The following ADSS1 variants were observed in gnomAD, a reference collection of about 807,000 sequenced individuals.
ADSS1 encodes the protein adenylosuccinate synthase 1.
A neutral mutation model predicts 59.1 loss-of-function variants in ADSS1; 57 were observed. The ratio of observed to expected loss-of-function variants is 0.97; its 90% CI spans 0.78 to 1.20. ADSS1 has a LOEUF of 1.20. ADSS1 is among the 50% of genes most tolerant of loss of function. The pLI is 0.00. For missense variants in ADSS1, 603 were observed against 610.3 expected (o/e 0.99, Z 0.13); for synonymous variants, 247 against 249.4 (o/e 0.99, Z 0.09).
chr14:104,742,464 A>ATGGG (rs1891402055), intron 9 of ADSS1, among the ~76,000 whole-genome samples: 1 of 152,226 alleles, frequency 6.6e-6, no homozygotes, highest in Non-Finnish European at 1.5e-5. Context: ...AACCCTGCCC[A>ATGGG]GCTCTCCAGC....
chr14:104,737,448 T>G (rs1216105727), intron 2 of ADSS1: 1 of 152,244 alleles, frequency 6.6e-6, no homozygotes, highest in Non-Finnish European at 1.5e-5. Context: ...AATACTCCAC[T>G]GTCTGGATGG....
chr14:104,729,634 G>C (rs1890835238), intron 1 of ADSS1: 1 of 153,106 alleles, frequency 6.5e-6, no homozygotes, highest in Non-Finnish European at 1.1e-5. Context: ...CGTGGCGTCG[G>C]CGTCGTGGGG....
At position 104,747,107 on chromosome 14, in the gene ADSS1, A is replaced by T; in HGVS notation, c.*104A>T. 1.9e-6 allele frequency: 2 copies of T among 1,047,480 alleles called. No individual in the cohort carries two copies. Among genetic ancestry groups the T allele is most frequent in the Non-Finnish European group, 2.8e-6 (2 of 725,960 alleles). The allele number at this position is 1,047,480 out of a possible 1,614,324, so 64.9% of individuals were successfully genotyped here. ...CCACAACCAACACCAAAGCAGGAAAACCATTTTCTGTACTTTTATATTTCT... is the reference window on the plus strand; with the variant it reads ...CCACAACCAACACCAAAGCAGGAAATCCATTTTCTGTACTTTTATATTTCT... On this transcript the variant is annotated 3_prime_UTR_variant, in exon 13 of 13. Coordinates refer to ENST00000330877, the MANE Select transcript of ADSS1 (RefSeq NM_152328.5).
intron 1 of ADSS1, among the ~76,000 whole-genome samples, chr14:104,725,394 ATAAT>A (rs1268052667): frequency 6.6e-6 from 1 of 152,174 alleles, no homozygotes; most frequent in Non-Finnish European, 1.5e-5. Context: ...GCTGCTGCCA[ATAAT>A]GGAACAAGGG....
rs771061801 is a variant in ADSS1, at chr14:104,724,385, G to C, written c.115G>C (p.Ala39Pro). Residue 39 changes from alanine to proline, a missense_variant, in exon 1 of 13, where the codon GCG (alanine) becomes CCG (proline). Coordinates refer to ENST00000330877, the MANE Select transcript of ADSS1 (RefSeq NM_152328.5). ...TGSRVTVVLG[A>P]QWGDEGKGKV... ...CTCCCGCGTGACGGTGGTGCTGGGC[G>C]CGCAGTGGGGGGACGAGGGCAAAGG... 3 of 1,257,746 alleles carry C rather than the reference G, an allele frequency of 2.4e-6. No homozygotes were observed. Among genetic ancestry groups the C allele is most frequent in the Non-Finnish European group, 3.0e-6 (3 of 995,796 alleles). 77.9% of individuals were successfully genotyped at this position (1,257,746 alleles called of 1,614,324 possible). A position where few individuals can be genotyped will look rare whatever the true frequency, so the allele number is the denominator to read the frequency against.
chr14:104,734,977 T>C (rs765154977), intron 1 of ADSS1, 43 bp from the exon 2 acceptor site: 3 of 1,576,264 alleles, frequency 1.9e-6, no homozygotes, highest in South Asian at 2.2e-5. Context: ...CGGGGGGTCC[T>C]CAGTACCCAA....
At position 104,746,173 on chromosome 14, in the gene ADSS1, T is replaced by C. The variant is rs558227164; in HGVS notation, c.1172-63T>C. On this transcript the variant is annotated intron_variant, in intron 11 of 12. Transcript: ENST00000330877. Reference sequence around the variant, plus strand: ...GGATGGGGGTGGCCGTGTCACCAAATATCCGCTTCCCTGGTGATAGGAGGT... The same window carrying C: ...GGATGGGGGTGGCCGTGTCACCAAACATCCGCTTCCCTGGTGATAGGAGGT... 186 of 1,540,272 alleles carry C rather than the reference T, an allele frequency of 1.2e-4. 2 individuals carry two copies. The African/African-American group carries it at 2.4e-3, about 20-fold the overall frequency.
intron 10 of ADSS1, 97 bp downstream of exon 10, chr14:104,743,288 A>C: frequency 6.5e-7 from 1 of 1,534,480 alleles, no homozygotes; most frequent in Non-Finnish European, 8.8e-7. Context: ...AGGGCCACCA[A>C]GTCTCCTTGG....
chr14:104,746,527 G>A (rs771106939), intron 12 of ADSS1, 142 bp downstream of exon 12: 127 of 1,250,038 alleles, frequency 1.0e-4, no homozygotes, highest in African/African-American at 8.9e-4. Context: ...AGGGGAGGAC[G>A]ACTCGGAGCT....
At chr14:104,742,094 C>T in intron 9 of ADSS1, 92 bp downstream of exon 9, 2 of 1,519,618 alleles carry the variant, frequency 1.3e-6, no homozygotes, top group Non-Finnish European at 1.8e-6. Flanking sequence ...GGTGGAGGCT[C>T]TGCGGACCTT....
At chr14:104,736,306 G>C (rs11850889) in intron 2 of ADSS1, among the ~76,000 whole-genome samples, 1 of 152,170 alleles carries the variant, frequency 6.6e-6, no homozygotes, top group South Asian at 2.1e-4. Context: ...CTGGCTGGCC[G>C]CTCCGGGTTG....
chr14:104,732,569 G>A (rs1055658938), intron 1 of ADSS1, among the ~76,000 whole-genome samples: 3 of 152,216 alleles, frequency 2.0e-5, no homozygotes, highest in African/African-American at 4.8e-5. Flanking sequence ...GACAAGCCGC[G>A]CCTGTTCCTA....
At chr14:104,737,259 A>G (rs921425995) in intron 2 of ADSS1, 1 of 151,498 alleles carries the variant, frequency 6.6e-6, no homozygotes, top group African/African-American at 2.4e-5. Context: ...TCCCCCCTCA[A>G]CCCTCGGCAG....
At chr14:104,744,685 G>A in intron 10 of ADSS1, 127 bp from the exon 11 acceptor site, 1 of 806,376 alleles carries the variant, frequency 1.2e-6, no homozygotes, top group Non-Finnish European at 2.0e-6. Flanking sequence ...AACCAGTACT[G>A]GTCCACAGCC....
chr14:104,728,516 G>T (rs534142483), intron 1 of ADSS1, among the ~76,000 whole-genome samples: 3 of 152,284 alleles, frequency 2.0e-5, no homozygotes, highest in Non-Finnish European at 4.4e-5. Context: ...AATGGTGGGA[G>T]CCTGCAAGCA....
chr14:104,724,577 T>G (rs1595190806), intron 1 of ADSS1, 115 bp downstream of exon 1: 3 of 1,220,190 alleles, frequency 2.5e-6, no homozygotes, highest in Non-Finnish European at 3.1e-6. Context: ...TTGGATGCCT[T>G]CCTTCCGGGA....
chr14:104,725,477 C>T (rs1890692239), intron 1 of ADSS1, among the ~76,000 whole-genome samples: 1 of 152,178 alleles, frequency 6.6e-6, no homozygotes, highest in Non-Finnish European at 1.5e-5. Context: ...GGCTGGGGCC[C>T]AAGACGAAGG....
chr14:104,743,268 G>A (rs779756104), intron 10 of ADSS1, 77 bp downstream of exon 10: 68 of 1,573,752 alleles, frequency 4.3e-5, no homozygotes, highest in Non-Finnish European at 4.7e-5. Context: ...AGCACTTGAC[G>A]CAGGGGCTGA....
rs780674549 is a variant in ADSS1, at chr14:104,742,021, G to T, written c.948+19G>T. ...GATCAACGTGAGTCCCCAGCCCCTC[G>T]GGACCCCGTGGGAGGACAGGGAGGC... On this transcript the variant is annotated intron_variant, in intron 9 of 12. Coordinates refer to ENST00000330877, the MANE Select transcript of ADSS1 (RefSeq NM_152328.5). The T allele has an allele frequency of 1.2e-5, 19 of 1,610,388 alleles. No homozygotes were observed. The highest frequency in any genetic ancestry group is 1.5e-5 in the Non-Finnish European group (18 of 1,178,726).
Sources: allele counts gnomAD v4.1 joint callset (sites outside exome capture counted in the v4.1 genomes callset), GRCh38; gene constraint gnomAD v4.1.1; transcripts MANE v1.5; gene names NCBI Gene and HGNC (gene_info 2026-07-23, HGNC 2026-07-21).